Variants in DCDC1 observed in about 807,000 individuals in gnomAD.
DCDC1 encodes doublecortin domain-containing protein 1.
A neutral mutation model predicts 178.3 loss-of-function variants in DCDC1; 200 were observed. That is an observed-to-expected ratio of 1.12 (90% confidence interval 1.00 to 1.26). The LOEUF is 1.26. Among genes scored for constraint, DCDC1 ranks in the 50% most tolerant of loss-of-function variants. The pLI is 0.00. For synonymous variants in DCDC1, 690 were observed against 604.8 expected, an observed-to-expected ratio of 1.14 and a Z score of -2.07; for missense variants, 1,983 against 1,749.2, an observed-to-expected ratio of 1.13 and a Z score of -2.38.
intron 11 of DCDC1, among the ~76,000 whole-genome samples, chr11:31,116,588 T>G (rs1959998942): frequency 6.6e-6 from 1 of 152,034 alleles, no homozygotes; most frequent in East Asian, 1.9e-4. Flanking sequence ...ATAGTATAAA[T>G]CAAACAGTAA....
At chr11:31,327,737 A>AT (rs559423390) in intron 3 of DCDC1, among the ~76,000 whole-genome samples, 40 of 150,762 alleles carry the variant, frequency 2.7e-4, no homozygotes, top group African/African-American at 8.0e-4. Flanking sequence ...GTACTCAAAC[A>AT]TTTTTTTTTA....
chr11:30,871,691 T>G (rs1941580527), intron 38 of DCDC1, among the ~76,000 whole-genome samples: 1 of 152,154 alleles, frequency 6.6e-6, no homozygotes, highest in Non-Finnish European at 1.5e-5. Context: ...GAAGGTAGTT[T>G]AATTAACATG....
intron 1 of DCDC1, among the ~76,000 whole-genome samples, chr11:31,344,819 T>C (rs1237378116): frequency 6.6e-6 from 1 of 152,200 alleles, no homozygotes; most frequent in Non-Finnish European, 1.5e-5. Flanking sequence ...AAAAAATACA[T>C]CTGCATAAGA....
intron 38 of DCDC1, among the ~76,000 whole-genome samples, chr11:30,869,342 C>T (rs1941319980): frequency 6.6e-6 from 1 of 152,202 alleles, no homozygotes; most frequent in South Asian, 2.1e-4. Context: ...AAGCTAAACT[C>T]TGATTCAGTG....
intron 11 of DCDC1, among the ~76,000 whole-genome samples, chr11:31,113,387 C>T (rs1177648766): frequency 6.6e-6 from 1 of 151,782 alleles, no homozygotes; most frequent in East Asian, 1.9e-4. Flanking sequence ...TGTGCTGCAC[C>T]CATTAACTAG....
At chr11:31,127,668 A>G in intron 10 of DCDC1, 29 bp from the exon 11 acceptor site, 1 of 697,694 alleles carries the variant, frequency 1.4e-6, no homozygotes, top group East Asian at 2.7e-5. Context: ...AAGAGTTGTT[A>G]GCGAGAAGTA....
intron 8 of DCDC1, among the ~76,000 whole-genome samples, chr11:31,257,401 C>T (rs1944480289): frequency 6.6e-6 from 1 of 152,082 alleles, no homozygotes; most frequent in South Asian, 2.1e-4. Flanking sequence ...ATGGCTTCAC[C>T]TACAGAAAGG....
chr11:31,298,432 C>A (rs1366329496), intron 6 of DCDC1, among the ~76,000 whole-genome samples: 2 of 152,104 alleles, frequency 1.3e-5, no homozygotes, highest in Non-Finnish European at 1.5e-5. Flanking sequence ...CAGGTGGTGA[C>A]TGGACTCTAG....
chr11:31,224,913 T>C (rs1591469409), intron 9 of DCDC1, among the ~76,000 whole-genome samples: 1 of 152,194 alleles, frequency 6.6e-6, no homozygotes, highest in Non-Finnish European at 1.5e-5. Context: ...CTGGTGGTAA[T>C]GTAAACTAGT....
chr11:31,182,528 T>C (rs1466114051), intron 9 of DCDC1, among the ~76,000 whole-genome samples: 1 of 152,150 alleles, frequency 6.6e-6, no homozygotes, highest in African/African-American at 2.4e-5. Context: ...AAGCAAATGT[T>C]GAGAGATTTT....
At chr11:30,927,122 C>T (rs571187449) in intron 22 of DCDC1, among the ~76,000 whole-genome samples, 1 of 152,088 alleles carries the variant, frequency 6.6e-6, no homozygotes, top group Non-Finnish European at 1.5e-5. Flanking sequence ...TATCTTCTTG[C>T]TTTGGATTTT....
chr11:31,283,126 C>T (rs1591636486), intron 7 of DCDC1, among the ~76,000 whole-genome samples: 1 of 152,130 alleles, frequency 6.6e-6, no homozygotes, highest in Non-Finnish European at 1.5e-5. Context: ...GAACCAAGAA[C>T]TCAGGAAAAA....
At chr11:31,354,716 T>A (rs1951243748) in intron 1 of DCDC1, among the ~76,000 whole-genome samples, 1 of 152,122 alleles carries the variant, frequency 6.6e-6, no homozygotes, top group Non-Finnish European at 1.5e-5. Flanking sequence ...AAAAATGATT[T>A]AGGAAGAAAG....
At chr11:31,296,029 T>C (rs1190832125) in intron 6 of DCDC1, among the ~76,000 whole-genome samples, 1 of 152,156 alleles carries the variant, frequency 6.6e-6, no homozygotes, top group Admixed American at 6.5e-5. Flanking sequence ...ATTTTATCAT[T>C]ACCTAAAGAG....
chr11:31,151,528 A>G (rs1565352900), intron 9 of DCDC1, among the ~76,000 whole-genome samples: 1 of 152,172 alleles, frequency 6.6e-6, no homozygotes, highest in Non-Finnish European at 1.5e-5. Flanking sequence ...GGATTATCAA[A>G]AACAGCACCC....
chr11:31,261,472 TGA>T (rs1944778691), intron 8 of DCDC1, among the ~76,000 whole-genome samples: 1 of 152,056 alleles, frequency 6.6e-6, no homozygotes, highest in Non-Finnish European at 1.5e-5. Context: ...CAAGTATGAA[TGA>T]AAAACATTTT....
chr11:31,081,550 C>T (rs575299648), intron 17 of DCDC1, among the ~76,000 whole-genome samples: 27 of 151,756 alleles, frequency 1.8e-4, no homozygotes, highest in African/African-American at 5.6e-4. Flanking sequence ...GCGGAGGTTG[C>T]GGTGAGCCAA....
chr11:30,993,641 C>T (rs1388429887), intron 20 of DCDC1, among the ~76,000 whole-genome samples: 1 of 151,964 alleles, frequency 6.6e-6, no homozygotes, highest in African/African-American at 2.4e-5. Context: ...CTAGATCAAT[C>T]GCATACACAG....
At position 31,059,832 on chromosome 11, in the gene DCDC1, CTT is replaced by C. The variant is rs987804352; in HGVS notation, c.2591+4635_2591+4636del. Among the ~76,000 whole-genome samples the C allele has an allele frequency of 4.4e-4, 67 of 152,102 alleles. 1 individual carries two copies. The highest frequency in any genetic ancestry group is 2.8e-3 in the Admixed American group (43 of 15,252). The stretch of plus-strand genomic sequence containing the variant: ...TACATAAATGATTTAATATAGTACT[CTT>C]ATGCTACTGTATACTCAAGAAAATC... On this transcript the variant is annotated intron_variant, in intron 20 of 38. Coordinates refer to ENST00000684477, the MANE Select transcript of DCDC1 (RefSeq NM_001387274.1).
Sources: gnomAD v4.1 joint callset for allele counts (sites outside exome capture counted in the v4.1 genomes callset) on GRCh38, gnomAD v4.1.1 for gene constraint, MANE v1.5 for transcripts, NCBI Gene and HGNC (gene_info 2026-07-23, HGNC 2026-07-21) for gene names.